SLC35F3: variants seen among roughly 807,000 people sequenced by gnomAD.
The protein encoded by SLC35F3 is putative thiamine transporter SLC35F3.
A neutral mutation model predicts 49.9 loss-of-function variants in SLC35F3; 25 were observed. The observed-to-expected ratio is 0.50, with a 90% CI of 0.37 to 0.70. SLC35F3 has a LOEUF of 0.70. Among genes scored for constraint, SLC35F3 ranks in the 30% least tolerant of loss-of-function variants. SLC35F3 has a pLI of 0.00. For missense variants in SLC35F3, 525 were observed against 639.8 expected, an observed-to-expected ratio of 0.82 and a Z score of 1.94; for synonymous variants, 275 against 265.4, an observed-to-expected ratio of 1.04 and a Z score of -0.35.
At chr1:234,076,653 G>T (rs1025393520) in intron 2 of SLC35F3, among the ~76,000 whole-genome samples, 3 of 151,948 alleles carry the variant, frequency 2.0e-5, no homozygotes, top group Non-Finnish European at 4.4e-5. Flanking sequence ...TAGAGATGGG[G>T]TTTCACCATG....
At chr1:233,906,025 G>A (rs1661770996) in intron 2 of SLC35F3, among the ~76,000 whole-genome samples, 1 of 152,192 alleles carries the variant, frequency 6.6e-6, no homozygotes, top group Admixed American at 6.5e-5. Flanking sequence ...TGCCAAATAC[G>A]GAGGACACTC....
intron 2 of SLC35F3, among the ~76,000 whole-genome samples, chr1:234,207,093 G>A (rs1572094871): frequency 6.6e-6 from 1 of 152,202 alleles, no homozygotes; most frequent in South Asian, 2.1e-4. Flanking sequence ...GAGGCCAGCT[G>A]TGGTCGATGA....
rs1662723026 is a variant in SLC35F3 at position 233,957,415 on chromosome 1, A to T, written c.283+51657A>T. Among the ~76,000 whole-genome samples the T allele has an allele frequency of 6.6e-6, 1 of 151,458 alleles. No homozygotes were observed. On this transcript the variant is annotated intron_variant, in intron 2 of 7. Transcript: ENST00000366618. This position sits in a 1 kb window ranked among gnomAD's most constrained non-coding sequence, Gnocchi z 4.0. The stretch of plus-strand genomic sequence containing the variant: ...TCACCTTTGTAGCCTCATTTATTCC[A>T]CTCCTTTCAGGATTCCCTGTATTCT...
intron 2 of SLC35F3, among the ~76,000 whole-genome samples, chr1:233,967,868 G>A (rs1271262725): frequency 6.6e-6 from 1 of 152,076 alleles, no homozygotes; most frequent in African/African-American, 2.4e-5. Context: ...ACTTAAAAAG[G>A]AGAAACAGAA....
At chr1:234,206,986 G>T (rs1266224918) in intron 2 of SLC35F3, among the ~76,000 whole-genome samples, 1 of 152,068 alleles carries the variant, frequency 6.6e-6, no homozygotes, top group African/African-American at 2.4e-5. Context: ...ATTCACCCTT[G>T]GAAACAGACA....
chr1:234,264,459 C>T (rs1020244095), intron 3 of SLC35F3, among the ~76,000 whole-genome samples: 5 of 152,236 alleles, frequency 3.3e-5, no homozygotes, highest in African/African-American at 4.8e-5. Context: ...CTTAAACCTA[C>T]ACCACTATGG....
intron 2 of SLC35F3, among the ~76,000 whole-genome samples, chr1:234,220,409 G>T (rs1471360435): frequency 1.3e-5 from 2 of 152,190 alleles, no homozygotes; most frequent in Admixed American, 1.3e-4. Flanking sequence ...AAGGAGACAT[G>T]TTGGGGAGTG....
chr1:234,281,417 G>A lies in SLC35F3; in HGVS notation c.609-27684G>A, dbSNP rs1037639269. 2.6e-5 allele frequency among the ~76,000 whole-genome samples: 4 copies of A among 152,280 alleles called. No individual in the cohort carries two copies. In the South Asian group the frequency reaches 6.2e-4, roughly 24 times the overall value. On this transcript the variant is annotated intron_variant, in intron 3 of 7. Transcript: ENST00000366618. ...CAGTCTGTGGTGCCTCCTTATGGCA[G>A]CCCAGGCAGACCCAGACATACAAGT...
chr1:234,160,684 A>C (rs559287870), intron 2 of SLC35F3, among the ~76,000 whole-genome samples: 2 of 152,132 alleles, frequency 1.3e-5, no homozygotes. Context: ...CCAGCTAACC[A>C]AGAGCATCAG....
chr1:234,304,595 A>G (rs1657087184), intron 3 of SLC35F3, among the ~76,000 whole-genome samples: 1 of 152,154 alleles, frequency 6.6e-6, no homozygotes, highest in South Asian at 2.1e-4. Context: ...CCTGTCCTTT[A>G]GTCCTTCGGT....
rs560340646 is a variant in SLC35F3 at position 233,905,632 on chromosome 1, G to A, written c.157G>A (p.Asp53Asn). 6.2e-7 allele frequency: 1 copy of A among 1,614,192 alleles called. No homozygotes were observed. Among genetic ancestry groups the A allele is most frequent in the Admixed American group, 1.7e-5 (1 of 60,034 alleles). ...YLVVDEAIKE[D>N]LKWSRSVEDL... Reference sequence around the variant, plus strand: ...GGTGGTGGACGAGGCGATTAAGGAGGATCTGAAATGGTCGCGCTCCGTGGA... The same window carrying A: ...GGTGGTGGACGAGGCGATTAAGGAGAATCTGAAATGGTCGCGCTCCGTGGA... The change falls in exon 2 of 8, where the codon GAT becomes AAT. Residue 53 changes from aspartate to asparagine, a missense_variant. By Grantham distance (23) the Asp-to-Asn change is conservative. Coordinates refer to ENST00000366618, the MANE Select transcript of SLC35F3 (RefSeq NM_173508.4).
At chr1:234,262,927 T>TTGG (rs1667927839) in intron 3 of SLC35F3, among the ~76,000 whole-genome samples, 2 of 152,226 alleles carry the variant, frequency 1.3e-5, no homozygotes, top group African/African-American at 2.4e-5. Context: ...GGACTTGGCC[T>TTGG]TGGAACAAGA....
At chr1:234,166,040 T>G (rs1199420472) in intron 2 of SLC35F3, among the ~76,000 whole-genome samples, 1 of 152,232 alleles carries the variant, frequency 6.6e-6, no homozygotes, top group Non-Finnish European at 1.5e-5. Flanking sequence ...TTGTTCTTTT[T>G]TATGGCTGAG....
intron 2 of SLC35F3, among the ~76,000 whole-genome samples, chr1:233,965,276 A>T (rs151149149): frequency 2.0e-5 from 3 of 152,340 alleles, no homozygotes; most frequent in African/African-American, 7.2e-5. Flanking sequence ...CGTTACTTGC[A>T]CTTAGAATCT....
In SLC35F3 at chr1:234,214,337, G is replaced by T. The variant is rs1289729038; in HGVS notation, c.284-17080G>T. ...CGCAGTGAGCAACGCGGCAACCGGA[G>T]CCCGGCGGGCAGCCGGGGAGGCCGG... On this transcript the variant is annotated intron_variant, in intron 2 of 7. Coordinates refer to ENST00000366618, the MANE Select transcript of SLC35F3 (RefSeq NM_173508.4). This position sits in a 1 kb window ranked among gnomAD's most constrained non-coding sequence, Gnocchi z 8.0. 7.6e-7 allele frequency: 1 copy of T among 1,312,254 alleles called. No individual in the cohort carries two copies. The highest frequency in any genetic ancestry group is 1.6e-5 in the African/African-American group (1 of 64,392). 81.3% of individuals were successfully genotyped at this position (1,312,254 alleles called of 1,614,324 possible). A position where few individuals can be genotyped will look rare whatever the true frequency, so the allele number is the denominator to read the frequency against.
At chr1:234,186,157 C>T (rs1334535116) in intron 2 of SLC35F3, among the ~76,000 whole-genome samples, 2 of 152,188 alleles carry the variant, frequency 1.3e-5, no homozygotes, top group African/African-American at 4.8e-5. Context: ...CCCAGCAGGG[C>T]GCAGATTGAC....
At chr1:234,049,325 G>A (rs1350614350) in intron 2 of SLC35F3, among the ~76,000 whole-genome samples, 1 of 152,056 alleles carries the variant, frequency 6.6e-6, no homozygotes, top group Non-Finnish European at 1.5e-5. Context: ...ATACCAGGGA[G>A]TGTGCTCACT....
At chr1:234,054,761 C>G (rs1183082012) in intron 2 of SLC35F3, among the ~76,000 whole-genome samples, 1 of 152,114 alleles carries the variant, frequency 6.6e-6, no homozygotes, top group Non-Finnish European at 1.5e-5. Context: ...CTGGTTTCTC[C>G]CCATCTTTGT....
In SLC35F3 at chr1:234,054,072, C is replaced by T. The variant is rs566062387; in HGVS notation, c.283+148314C>T. Among the ~76,000 whole-genome samples the T allele has an allele frequency of 6.6e-4, 101 of 152,324 alleles. No individual in the cohort carries two copies. The South Asian group carries it at 0.012, about 18-fold the overall frequency. ...AGACCTTTCTCTCTGGCACCCTTAA[C>T]ATTTTTTCCTTCATTTCAACTTTGG... On this transcript the variant is annotated intron_variant, in intron 2 of 7. Coordinates refer to ENST00000366618, the MANE Select transcript of SLC35F3 (RefSeq NM_173508.4).
Sources: allele counts gnomAD v4.1 joint callset (sites outside exome capture counted in the v4.1 genomes callset), GRCh38; gene constraint gnomAD v4.1.1; non-coding constraint Gnocchi (gnomAD v3.1); transcripts MANE v1.5; gene names NCBI Gene and HGNC (gene_info 2026-07-23, HGNC 2026-07-21).